SHISA6: variants seen among roughly 807,000 people sequenced by gnomAD.
The protein encoded by SHISA6 is protein shisa-6.
SHISA6 carries 22 observed loss-of-function variants against 47.9 expected under a neutral mutation model. That is an observed-to-expected ratio of 0.46 (90% CI 0.33 to 0.66). The LOEUF is 0.66. Among genes scored for constraint, SHISA6 ranks in the 30% least tolerant of loss-of-function variants. The pLI is 0.02. For missense variants in SHISA6, 680 were observed against 764.6 expected, an observed-to-expected ratio of 0.89 and a Z score of 1.30; for synonymous variants, 388 against 337.8, an observed-to-expected ratio of 1.15 and a Z score of -1.63.
intron 3 of SHISA6, among the ~76,000 whole-genome samples, chr17:11,503,760 G>C (rs1196259439): frequency 1.3e-5 from 2 of 152,214 alleles, no homozygotes; most frequent in Non-Finnish European, 2.9e-5. Flanking sequence ...GACATCTGCT[G>C]TCTGTATCCT....
intron 3 of SHISA6, among the ~76,000 whole-genome samples, chr17:11,534,940 C>T (rs558312794): frequency 6.6e-6 from 1 of 151,878 alleles, no homozygotes; most frequent in Admixed American, 6.6e-5. Flanking sequence ...CCATCCTGGC[C>T]AACATGGTGA....
intron 2 of SHISA6, among the ~76,000 whole-genome samples, chr17:11,313,871 G>A (rs568317569): frequency 2.0e-5 from 3 of 152,082 alleles, no homozygotes; most frequent in Admixed American, 6.6e-5. Flanking sequence ...GAAGGACCAG[G>A]GTTGGATGGC....
intron 2 of SHISA6, among the ~76,000 whole-genome samples, chr17:11,302,176 G>C (rs1339259660): frequency 6.6e-6 from 1 of 152,126 alleles, no homozygotes; most frequent in Non-Finnish European, 1.5e-5. Context: ...ATTTGGGTGG[G>C]GGCACAGCCA....
intron 3 of SHISA6, among the ~76,000 whole-genome samples, chr17:11,465,833 G>A (rs1177967461): frequency 2.0e-5 from 3 of 152,144 alleles, no homozygotes; most frequent in East Asian, 3.9e-4. Flanking sequence ...GAGCCGTGGC[G>A]AACGCAGTCT....
chr17:11,351,617 T>C (rs1280642600), intron 2 of SHISA6, among the ~76,000 whole-genome samples: 1 of 152,266 alleles, frequency 6.6e-6, no homozygotes, highest in Non-Finnish European at 1.5e-5. Context: ...ATTACAGTTG[T>C]TTTGTTTGCA....
At chr17:11,298,991 C>A (rs1445150603) in intron 2 of SHISA6, among the ~76,000 whole-genome samples, 1 of 152,168 alleles carries the variant, frequency 6.6e-6, no homozygotes, top group Non-Finnish European at 1.5e-5. Flanking sequence ...TAGGTTGATG[C>A]AAAAGTAACT....
At chr17:11,521,201 A>G (rs531117396) in intron 3 of SHISA6, among the ~76,000 whole-genome samples, 15 of 152,364 alleles carry the variant, frequency 9.8e-5, no homozygotes, top group African/African-American at 4.8e-5. Context: ...CTTAAACACT[A>G]TTAACCAGTG....
chr17:11,301,032 C>T (rs946523204), intron 2 of SHISA6, among the ~76,000 whole-genome samples: 2 of 152,070 alleles, frequency 1.3e-5, no homozygotes, highest in Non-Finnish European at 2.9e-5. Context: ...TTTGCAAGGC[C>T]TGAAGCAAAA....
At chr17:11,255,837 A>T (rs557701396) in intron 1 of SHISA6, among the ~76,000 whole-genome samples, 1 of 152,334 alleles carries the variant, frequency 6.6e-6, no homozygotes, top group East Asian at 1.9e-4. Context: ...CTATAGGCTG[A>T]GCCGATGTAG....
chr17:11,544,271 C>T (rs2071861961), intron 3 of SHISA6, among the ~76,000 whole-genome samples: 1 of 151,990 alleles, frequency 6.6e-6, no homozygotes, highest in Admixed American at 6.6e-5. Context: ...AAAAGGATGA[C>T]AAGACAGGGT....
chr17:11,374,644 A>G (rs1912734394), intron 2 of SHISA6, among the ~76,000 whole-genome samples: 1 of 151,964 alleles, frequency 6.6e-6, no homozygotes, highest in South Asian at 2.1e-4. Context: ...GTGAATTTTT[A>G]GGTAGAGGAA....
chr17:11,421,928 A>G (rs1054853312), intron 3 of SHISA6, among the ~76,000 whole-genome samples: 1 of 152,198 alleles, frequency 6.6e-6, no homozygotes, highest in Non-Finnish European at 1.5e-5. Context: ...TCAGTTTCTC[A>G]GGATGTTTTC....
chr17:11,331,987 TCTC>T (rs1911134594), intron 2 of SHISA6, among the ~76,000 whole-genome samples: 1 of 152,010 alleles, frequency 6.6e-6, no homozygotes, highest in African/African-American at 2.4e-5. Context: ...CTTCCTCTCT[TCTC>T]TGTATCCTTC....
chr17:11,393,440 C>G (rs187797967), intron 3 of SHISA6, among the ~76,000 whole-genome samples: 1 of 152,114 alleles, frequency 6.6e-6, no homozygotes, highest in Admixed American at 6.5e-5. Context: ...CACTGCCCAC[C>G]CTTCACCCAC....
At position 11,416,903 on chromosome 17, in the gene SHISA6, A is replaced by T. The variant is rs117605422; in HGVS notation, c.895+37394A>T. Among the ~76,000 whole-genome samples, 606 of 152,298 alleles carry T rather than the reference A, an allele frequency of 4.0e-3. 4 individuals carry two copies. Among genetic ancestry groups the T allele is most frequent in the Non-Finnish European group, 6.1e-3 (413 of 68,032 alleles). ...AGGTAAGTATTCACTATGCAAACAC[A>T]AAATCTTCATCCCAGAGAAATCAAA... On this transcript the variant is annotated intron_variant, in intron 3 of 5. Transcript: ENST00000441885.
At chr17:11,513,501 G>A (rs2969228) in intron 3 of SHISA6, among the ~76,000 whole-genome samples, 118,501 of 152,130 alleles carry the variant, frequency 0.78, 46,728 homozygotes, top group East Asian at 0.96. Context: ...TGCTTTTTAA[G>A]TCTCTTCATT....
At chr17:11,423,255 A>ATATATATAAT (rs1555534323) in intron 3 of SHISA6, among the ~76,000 whole-genome samples, 1 of 144,016 alleles carries the variant, frequency 6.9e-6, no homozygotes, top group Admixed American at 7.1e-5. Flanking sequence ...ATATATATAT[A>ATATATATAAT]ATATATATAT....
chr17:11,253,101 T>C lies in SHISA6; in HGVS notation c.639-10265T>C, dbSNP rs147666825. Among the ~76,000 whole-genome samples, 8 of 152,344 alleles carry C rather than the reference T, an allele frequency of 5.3e-5. No individual in the cohort carries two copies. The East Asian group carries it at 1.3e-3, about 26-fold the overall frequency. On this transcript the variant is annotated intron_variant, in intron 1 of 5. Coordinates refer to ENST00000441885, the MANE Select transcript of SHISA6 (RefSeq NM_207386.4). The stretch of plus-strand genomic sequence containing the variant: ...TTGCTTTTAAGTCACATCATTAAAA[T>C]GTTTCTTCGTGTCACTTTCGGTGTT...
chr17:11,381,764 C>T (rs1913017371), intron 3 of SHISA6, among the ~76,000 whole-genome samples: 1 of 152,226 alleles, frequency 6.6e-6, no homozygotes, highest in South Asian at 2.1e-4. Flanking sequence ...AGACCCTCCC[C>T]TGCCCATGCC....
Sources: gnomAD v4.1 joint callset for allele counts (sites outside exome capture counted in the v4.1 genomes callset) on GRCh38, gnomAD v4.1.1 for gene constraint, MANE v1.5 for transcripts, NCBI Gene and HGNC (gene_info 2026-07-23, HGNC 2026-07-21) for gene names.